Variants in GALK2 observed in about 807,000 individuals in gnomAD.
GALK2 encodes the protein galactokinase 2.
Under a neutral mutation model 52.4 loss-of-function variants are expected in GALK2, and 36 were observed. The ratio of observed to expected loss-of-function variants is 0.69; its 90% CI spans 0.53 to 0.91. GALK2 has a LOEUF of 0.91. Among genes scored for constraint, GALK2 ranks in the 40% least tolerant of loss-of-function variants. The pLI is 0.00. For missense variants in GALK2, 579 were observed against 559.1 expected, an observed-to-expected ratio of 1.04 and a Z score of -0.36; for synonymous variants, 176 against 199.1, an observed-to-expected ratio of 0.88 and a Z score of 0.98.
At chr15:49,235,098 T>C (rs1404054909) in intron 3 of GALK2, among the ~76,000 whole-genome samples, 1 of 152,186 alleles carries the variant, frequency 6.6e-6, no homozygotes, top group Non-Finnish European at 1.5e-5. Flanking sequence ...AGTTCATAAG[T>C]GTCTGGTGGG....
chr15:49,155,939 T>G, exon 1 of GALK2: 2 of 1,600,642 alleles, frequency 1.2e-6, no homozygotes, highest in East Asian at 4.5e-5. Flanking sequence ...CGCATCTCAT[T>G]CCGGTGAAAG....
Position 49,329,177 on chromosome 15 carries a change from T to G in GALK2, c.*1018T>G. ...AGGTATGCAGGTATGTGGGTGAAAG[T>G]GACTATGAAAAGACTTAATGAATTC... On this transcript the variant is annotated 3_prime_UTR_variant, in exon 10 of 10. Transcript: ENST00000560031. 2 of 987,022 alleles carry G rather than the reference T, an allele frequency of 2.0e-6. No individual in the cohort carries two copies. Among genetic ancestry groups the G allele is most frequent in the African/African-American group, 3.5e-5 (2 of 57,326 alleles). The allele number at this position is 987,022 out of a possible 1,614,324, so 61.1% of individuals were successfully genotyped here.
At chr15:49,291,411 A>C (rs752118547) in intron 7 of GALK2, among the ~76,000 whole-genome samples, 2 of 152,214 alleles carry the variant, frequency 1.3e-5, no homozygotes, top group Non-Finnish European at 2.9e-5. Context: ...TCCTGTCAAA[A>C]AGAGAAAATC....
chr15:49,356,226 A>G (rs1048226041), intron 3 of GALK2, among the ~76,000 whole-genome samples: 3 of 152,208 alleles, frequency 2.0e-5, no homozygotes, highest in African/African-American at 4.8e-5. Context: ...ACAGGATCAA[A>G]TTCACACATA....
At chr15:49,367,644 CTT>C (rs780744742) in exon 4 of GALK2, 1 of 1,519,008 alleles carries the variant, frequency 6.6e-7, no homozygotes, top group Non-Finnish European at 8.8e-7. Flanking sequence ...ACAACGATTA[CTT>C]TTGTGTTTCT....
chr15:49,208,419 A>T (rs1470433944), intron 2 of GALK2, among the ~76,000 whole-genome samples: 1 of 152,182 alleles, frequency 6.6e-6, no homozygotes, highest in Non-Finnish European at 1.5e-5. Context: ...CTCAATGCTC[A>T]TTTAGGAGCA....
At chr15:49,280,487 A>G (rs1356999850) in intron 5 of GALK2, among the ~76,000 whole-genome samples, 1 of 152,110 alleles carries the variant, frequency 6.6e-6, no homozygotes, top group Non-Finnish European at 1.5e-5. Context: ...GGAGCTTAGG[A>G]TTTACAGGAG....
chr15:49,303,230 TC>T (rs1196588905), intron 8 of GALK2, among the ~76,000 whole-genome samples: 11 of 152,188 alleles, frequency 7.2e-5, no homozygotes, highest in Admixed American at 7.2e-4. Flanking sequence ...GCGTGATATG[TC>T]CCTATTCATT....
In GALK2 at chr15:49,328,688, T is replaced by C. The variant is rs1164919709; in HGVS notation, c.*529T>C. 11 of 1,550,894 alleles carry C rather than the reference T, an allele frequency of 7.1e-6. No individual in the cohort carries two copies. The highest frequency in any genetic ancestry group is 1.4e-5 in the African/African-American group (1 of 73,130). On this transcript the variant is annotated 3_prime_UTR_variant, in exon 10 of 10. Coordinates refer to ENST00000560031, the MANE Select transcript of GALK2 (RefSeq NM_002044.4). Reference sequence around the variant, plus strand: ...CAGCTTCGGAACGCTATGAAAATAATACATGATTAAAGTTTCACAGATCTT... The same window carrying C: ...CAGCTTCGGAACGCTATGAAAATAACACATGATTAAAGTTTCACAGATCTT...
At chr15:49,156,563 C>G (rs2084460396) in intron 1 of GALK2, 3 of 516,762 alleles carry the variant, frequency 5.8e-6, no homozygotes, top group African/African-American at 1.9e-5. Context: ...TTCCGTGCAG[C>G]TGAAAGCTGC....
intron 5 of GALK2, among the ~76,000 whole-genome samples, chr15:49,246,341 A>G (rs535729174): frequency 6.6e-6 from 1 of 152,274 alleles, no homozygotes; most frequent in African/African-American, 2.4e-5. Flanking sequence ...GGTGTGTTAG[A>G]CTAGCATCTA....
intron 1 of GALK2, among the ~76,000 whole-genome samples, chr15:49,200,479 G>T (rs2087644586): frequency 6.6e-6 from 1 of 152,196 alleles, no homozygotes; most frequent in African/African-American, 2.4e-5. Context: ...AATTAGAGTG[G>T]ATGGACTTTA....
intron 3 of GALK2, among the ~76,000 whole-genome samples, chr15:49,228,214 A>G (rs1158139326): frequency 6.6e-6 from 1 of 152,138 alleles, no homozygotes; most frequent in African/African-American, 2.4e-5. Flanking sequence ...TTTTAAAGTC[A>G]TATTTGTTTG....
At chr15:49,366,689 C>CTGGTGGG (rs1719895727) in intron 3 of GALK2, 1 of 1,493,824 alleles carries the variant, frequency 6.7e-7, no homozygotes, top group South Asian at 1.1e-5. Context: ...CCCCATCGGA[C>CTGGTGGG]TGGTGGGTGG....
chr15:49,235,681 C>G, intron 3 of GALK2, 170 bp from the exon 4 acceptor site: 1 of 743,870 alleles, frequency 1.3e-6, no homozygotes, highest in East Asian at 2.5e-5. Flanking sequence ...GCAACTTCCT[C>G]TCTTAACTCT....
intron 1 of GALK2, among the ~76,000 whole-genome samples, chr15:49,182,786 CTT>C (rs551548848): frequency 1.3e-4 from 20 of 152,066 alleles, no homozygotes; most frequent in African/African-American, 4.3e-4. Flanking sequence ...ATTTTTATGT[CTT>C]TTGAAAAATG....
At chr15:49,254,889 G>A (rs1280259020) in intron 5 of GALK2, among the ~76,000 whole-genome samples, 1 of 144,126 alleles carries the variant, frequency 6.9e-6, no homozygotes, top group African/African-American at 2.5e-5. Context: ...TTTTAATTAT[G>A]AGAAAATTTC....
At chr15:49,350,711 T>C (rs193190469) in intron 3 of GALK2, among the ~76,000 whole-genome samples, 3 of 152,310 alleles carry the variant, frequency 2.0e-5, no homozygotes, top group African/African-American at 7.2e-5. Flanking sequence ...TCCTGCACCA[T>C]TTGCCTTTTA....
chr15:49,250,940 G>A (rs182638619), intron 5 of GALK2, among the ~76,000 whole-genome samples: 7 of 152,252 alleles, frequency 4.6e-5, no homozygotes, highest in Non-Finnish European at 7.4e-5. Flanking sequence ...GGCCTTAGAA[G>A]TTTATAATTT....
Sources: gnomAD v4.1 joint callset for allele counts (sites outside exome capture counted in the v4.1 genomes callset) on GRCh38, gnomAD v4.1.1 for gene constraint, MANE v1.5 for transcripts, NCBI Gene and HGNC (gene_info 2026-07-23, HGNC 2026-07-21) for gene names.